ALK: variants seen among roughly 807,000 people sequenced by gnomAD.
ALK encodes the protein ALK receptor tyrosine kinase, also known as ALK tyrosine kinase receptor.
In ALK, 74 loss-of-function variants were observed where a neutral mutation model predicts 163.1. That is an observed-to-expected ratio of 0.45 (90% CI 0.38 to 0.55). The LOEUF (loss-of-function observed/expected upper bound fraction) is 0.55, where lower values mean the gene tolerates loss of function less well. Among genes scored for constraint, ALK ranks in the 20% least tolerant of loss-of-function variants. The probability of loss-of-function intolerance (pLI) is 0.00; values close to 1 mark genes in which losing one functional copy is unlikely to be tolerated. For synonymous variants in ALK, 960 were observed against 843.2 expected (o/e 1.14, Z -2.40); for missense variants, 2,063 against 2,105.3 (o/e 0.98, Z 0.39).
At chr2:29,886,134 T>C (rs907837640) in intron 1 of ALK, among the ~76,000 whole-genome samples, 1 of 152,234 alleles carries the variant, frequency 6.6e-6, no homozygotes, top group Non-Finnish European at 1.5e-5. Context: ...CTCTTTTTTA[T>C]AGTTGTGTTA....
At chr2:29,366,692 A>G (rs1489747346) in intron 5 of ALK, among the ~76,000 whole-genome samples, 1 of 152,192 alleles carries the variant, frequency 6.6e-6, no homozygotes, top group East Asian at 1.9e-4. Context: ...AGGATGATAC[A>G]GAAGCCTTCC....
chr2:29,620,538 G>A (rs539979257), intron 3 of ALK, among the ~76,000 whole-genome samples: 2 of 151,988 alleles, frequency 1.3e-5, no homozygotes, highest in East Asian at 1.9e-4. Context: ...AACCTATAAC[G>A]GAGCTGAAGA....
intron 4 of ALK, among the ~76,000 whole-genome samples, chr2:29,508,989 A>T (rs1418548395): frequency 6.6e-6 from 1 of 152,158 alleles, no homozygotes; most frequent in Non-Finnish European, 1.5e-5. Context: ...TTATTTTAAT[A>T]GAAAGGGAAA....
At chr2:29,658,635 A>T (rs1677259721) in intron 3 of ALK, among the ~76,000 whole-genome samples, 2 of 152,184 alleles carry the variant, frequency 1.3e-5, no homozygotes, top group Admixed American at 6.6e-5. Flanking sequence ...GCTTCAGAAA[A>T]TACTAGCATG....
At chr2:29,361,530 G>A (rs1182119440) in intron 5 of ALK, among the ~76,000 whole-genome samples, 1 of 152,228 alleles carries the variant, frequency 6.6e-6, no homozygotes, top group African/African-American at 2.4e-5. Flanking sequence ...GGAAAACACT[G>A]GGCCAGCAGT....
chr2:29,753,124 G>A (rs1205552273), intron 1 of ALK, among the ~76,000 whole-genome samples: 1 of 152,198 alleles, frequency 6.6e-6, no homozygotes, highest in Non-Finnish European at 1.5e-5. Context: ...AAGAAAATAG[G>A]TGGGGAACTT....
intron 1 of ALK, among the ~76,000 whole-genome samples, chr2:29,736,920 G>A (rs907286779): frequency 7.2e-5 from 11 of 152,022 alleles, no homozygotes; most frequent in Non-Finnish European, 1.2e-4. Flanking sequence ...CTATCCCAGG[G>A]AAGTAACAGA....
chr2:29,415,029 C>A (rs115958966), intron 4 of ALK, among the ~76,000 whole-genome samples: 3,408 of 151,652 alleles, frequency 0.022, 128 homozygotes, highest in African/African-American at 0.074. Context: ...TGTGCACACA[C>A]ATGCACAGAT....
intron 4 of ALK, among the ~76,000 whole-genome samples, chr2:29,440,317 A>ATTTT (rs1670505935): frequency 2.1e-5 from 1 of 46,690 alleles, no homozygotes; most frequent in Admixed American, 1.9e-4. Context: ...GTGATGAATC[A>ATTTT]ATTTTTTTTT....
chr2:29,492,291 A>G (rs1005549681), intron 4 of ALK, among the ~76,000 whole-genome samples: 1 of 152,128 alleles, frequency 6.6e-6, no homozygotes, highest in Non-Finnish European at 1.5e-5. Context: ...CATTGTCATC[A>G]ATGTTACAAG....
intron 3 of ALK, among the ~76,000 whole-genome samples, chr2:29,642,701 C>G (rs1238256903): frequency 6.6e-6 from 1 of 152,112 alleles, no homozygotes; most frequent in African/African-American, 2.4e-5. Flanking sequence ...ACCTATTCAG[C>G]TCTTCTTTAA....
At chr2:29,583,803 G>A (rs1189254284) in intron 3 of ALK, among the ~76,000 whole-genome samples, 1 of 152,150 alleles carries the variant, frequency 6.6e-6, no homozygotes, top group African/African-American at 2.4e-5. Flanking sequence ...TGCCTCTGGG[G>A]CAATGACCAG....
intron 1 of ALK, among the ~76,000 whole-genome samples, chr2:29,820,368 G>GCC (rs1176339334): frequency 2.0e-5 from 3 of 152,170 alleles, no homozygotes; most frequent in African/African-American, 4.8e-5. Context: ...TTGACCAACA[G>GCC]CTTGACTGCA....
At chr2:29,852,366 G>A (rs1666018619) in intron 1 of ALK, among the ~76,000 whole-genome samples, 1 of 152,060 alleles carries the variant, frequency 6.6e-6, no homozygotes, top group Non-Finnish European at 1.5e-5. Flanking sequence ...AACCCCTTCA[G>A]ACTCAAAAAA....
chr2:29,710,993 T>C (rs1446472532), intron 2 of ALK, among the ~76,000 whole-genome samples: 3 of 152,238 alleles, frequency 2.0e-5, no homozygotes, highest in African/African-American at 7.2e-5. Context: ...TCAACATCTT[T>C]CCTTGCCAAA....
At chr2:29,681,021 T>A (rs1279393830) in intron 3 of ALK, 4 of 152,188 alleles carry the variant, frequency 2.6e-5, no homozygotes, top group African/African-American at 4.8e-5. Flanking sequence ...TACGTTTTAA[T>A]AAAAAAGAGA....
chr2:29,886,464 T>A (rs932050523), intron 1 of ALK, among the ~76,000 whole-genome samples: 1 of 152,268 alleles, frequency 6.6e-6, no homozygotes, highest in African/African-American at 2.4e-5. Flanking sequence ...TGTACCTTCA[T>A]CTTTGTTAGC....
chr2:29,754,937 A>G (rs917163183), intron 1 of ALK, among the ~76,000 whole-genome samples: 1 of 152,142 alleles, frequency 6.6e-6, no homozygotes, highest in African/African-American at 2.4e-5. Flanking sequence ...GTCTCAGGAG[A>G]TGCCGGACGC....
intron 1 of ALK, among the ~76,000 whole-genome samples, chr2:29,828,855 C>A (rs1324109779): frequency 6.6e-6 from 1 of 151,834 alleles, no homozygotes; most frequent in Non-Finnish European, 1.5e-5. Context: ...GCTATAAAGA[C>A]ACATGCACAT....
Sources: allele counts gnomAD v4.1 joint callset (sites outside exome capture counted in the v4.1 genomes callset), GRCh38; gene constraint gnomAD v4.1.1; transcripts MANE v1.5; gene names NCBI Gene and HGNC (gene_info 2026-07-23, HGNC 2026-07-21).